MTA1: variants seen among roughly 807,000 people sequenced by gnomAD.
MTA1 encodes metastasis associated 1, also known as metastasis-associated protein MTA1.
A neutral mutation model predicts 97.0 loss-of-function variants in MTA1; 15 were observed. That is an observed-to-expected ratio of 0.15 (90% CI 0.10 to 0.24). The LOEUF is 0.24. Among genes scored for constraint, MTA1 ranks in the 10% least tolerant of loss-of-function variants. MTA1 has a pLI of 1.00. For missense variants in MTA1, 709 were observed against 1,015.1 expected, an observed-to-expected ratio of 0.70 and a Z score of 4.10; for synonymous variants, 435 against 417.5, an observed-to-expected ratio of 1.04 and a Z score of -0.51.
At chr14:105,448,331 C>T (rs369016221) in intron 3 of MTA1, among the ~76,000 whole-genome samples, 4 of 152,134 alleles carry the variant, frequency 2.6e-5, no homozygotes, top group South Asian at 4.1e-4. Flanking sequence ...AGGCCCACCT[C>T]GCCCGCATCT....
At position 105,463,777 on chromosome 14, in the gene MTA1, C is replaced by T; in HGVS notation, c.1076+226C>T. ...GGTCAGTAAGGGGGCATTGGGATTC[C>T]AGCCCACACCGCCAGGGTTCAGTCC... On this transcript the variant is annotated intron_variant, in intron 12 of 20. Coordinates refer to ENST00000331320, the MANE Select transcript of MTA1 (RefSeq NM_004689.4). This position sits in a 1 kb window ranked among gnomAD's most constrained non-coding sequence, Gnocchi z 5.9. The T allele has an allele frequency of 1.6e-6, 1 of 620,552 alleles. No homozygotes were observed. Among genetic ancestry groups the T allele is most frequent in the South Asian group, 1.9e-5 (1 of 51,592 alleles). The allele number at this position is 620,552 out of a possible 1,614,324, so 38.4% of individuals were successfully genotyped here.
At position 105,470,136 on chromosome 14, in the gene MTA1, T is replaced by C. The variant is rs1287360947; in HGVS notation, c.2069T>C (p.Leu690Pro). 9 of 1,612,068 alleles carry C rather than the reference T, an allele frequency of 5.6e-6. No homozygotes were observed. Among genetic ancestry groups the C allele is most frequent in the Non-Finnish European group, 7.6e-6 (9 of 1,179,710 alleles). ...AARRPYKPIA[L>P]RQSQALPPRP... ...CGCCGGCCCTACAAGCCCATCGCCC[T>C]GCGCCAGAGCCAGGCCCTGCCGCCG... Residue 690 changes from leucine to proline, a missense_variant, in exon 21 of 21, where the codon CTG becomes CCG. Coordinates refer to ENST00000331320, the MANE Select transcript of MTA1 (RefSeq NM_004689.4).
Position 105,463,067 on chromosome 14 carries a change from T to A in MTA1, c.943-117T>A. ...CTGGCCTCCGTGCACCAAGCACACC[T>A]CGCCCTCTGGCCTCCCGCCCCCTCT... On this transcript the variant is annotated intron_variant, in intron 10 of 20. Coordinates refer to ENST00000331320, the MANE Select transcript of MTA1 (RefSeq NM_004689.4). This position sits in a 1 kb window ranked among gnomAD's most constrained non-coding sequence, Gnocchi z 5.9. The A allele has an allele frequency of 2.0e-6, 2 of 1,003,214 alleles. No individual in the cohort carries two copies. Among genetic ancestry groups the A allele is most frequent in the Non-Finnish European group, 3.0e-6 (2 of 656,670 alleles). 62.1% of individuals were successfully genotyped at this position (1,003,214 alleles called of 1,614,324 possible).
chr14:105,445,507 C>T lies in MTA1; in HGVS notation c.186C>T (p.His62=), dbSNP rs60835099. The T allele has an allele frequency of 2.4e-5, 38 of 1,613,216 alleles. No homozygotes were observed. Among genetic ancestry groups the T allele is most frequent in the Middle Eastern group, 1.7e-4 (1 of 6,060 alleles). Reference sequence around the variant, plus strand: ...CCCTCATCGCCCTGGCCGACAAGCACGCAAGTGAGTCCGGCCTTCCCTGGG... The same window carrying T: ...CCCTCATCGCCCTGGCCGACAAGCATGCAAGTGAGTCCGGCCTTCCCTGGG... ...SSTLIALADK[H]ATLSVCYKAG... is the part of the protein sequence containing the mutation. Residue 62 remains histidine, a synonymous_variant, in exon 3 of 21, where the codon CAC becomes CAT. Transcript: ENST00000331320.
intron 1 of MTA1, among the ~76,000 whole-genome samples, chr14:105,434,611 G>T (rs1201451105): frequency 6.6e-6 from 1 of 150,694 alleles, no homozygotes; most frequent in African/African-American, 2.4e-5. Context: ...CGATTGTCCT[G>T]CCTCAGCCTC....
intron 6 of MTA1, among the ~76,000 whole-genome samples, chr14:105,452,235 A>G (rs2082972889): frequency 6.6e-6 from 1 of 152,242 alleles, no homozygotes; most frequent in South Asian, 2.1e-4. Context: ...CCTCGCCTCA[A>G]ATAACCCTCA....
At chr14:105,451,669 C>T (rs977152710) in intron 6 of MTA1, among the ~76,000 whole-genome samples, 3 of 152,126 alleles carry the variant, frequency 2.0e-5, no homozygotes, top group Admixed American at 6.5e-5. Flanking sequence ...GCACTGTGTC[C>T]GCCCAGAAAC....
rs2141537149 is a variant in MTA1, at chr14:105,445,326, G to T, written c.97-92G>T. 3 of 1,183,514 alleles carry T rather than the reference G, an allele frequency of 2.5e-6. No individual in the cohort carries two copies. In the East Asian group the frequency reaches 7.1e-5, roughly 28 times the overall value. 73.3% of individuals were successfully genotyped at this position (1,183,514 alleles called of 1,614,324 possible). On this transcript the variant is annotated intron_variant, in intron 2 of 20. Transcript: ENST00000331320. ...TGGTGTGGTTACACCTGCAGTCCCT[G>T]GACGGCAGGGTCCGGCCTTGGAGCC...
intron 1 of MTA1, among the ~76,000 whole-genome samples, chr14:105,437,030 C>T (rs1304444762): frequency 6.6e-6 from 1 of 152,254 alleles, no homozygotes; most frequent in African/African-American, 2.4e-5. Flanking sequence ...GTCCCCCGGG[C>T]ACCGTGGCTG....
rs2083788772 is a variant in MTA1 at position 105,470,310 on chromosome 14, C to T, written c.*95C>T. ...CGCCCGCCCCTCAGTTTGGTAGTGC[C>T]CCACCTCCCGCCCTCACCTGCAGAG... On this transcript the variant is annotated 3_prime_UTR_variant, in exon 21 of 21. Coordinates refer to ENST00000331320, the MANE Select transcript of MTA1 (RefSeq NM_004689.4). The T allele has an allele frequency of 2.7e-6, 3 of 1,107,530 alleles. No individual in the cohort carries two copies. Among genetic ancestry groups the T allele is most frequent in the Admixed American group, 7.8e-5 (2 of 25,802 alleles). 68.6% of individuals were successfully genotyped at this position (1,107,530 alleles called of 1,614,324 possible). A position where few individuals can be genotyped will look rare whatever the true frequency, so the allele number is the denominator to read the frequency against.
intron 1 of MTA1, among the ~76,000 whole-genome samples, chr14:105,423,185 A>G (rs2081900414): frequency 6.8e-6 from 1 of 147,950 alleles, no homozygotes; most frequent in Non-Finnish European, 1.5e-5. Flanking sequence ...CAAGAGGTTA[A>G]CACCCCATCT....
In MTA1 at chr14:105,463,435, A is replaced by T. The variant is rs1555431526; in HGVS notation, c.1018-58A>T. ...TCTCCGTAGCCTCCAGCCTGTCTGCACTGCAGCCCCAACCTGGGCCTAGCC... is the reference window on the plus strand; with the variant it reads ...TCTCCGTAGCCTCCAGCCTGTCTGCTCTGCAGCCCCAACCTGGGCCTAGCC... On this transcript the variant is annotated intron_variant, in intron 11 of 20. Transcript: ENST00000331320. The surrounding 1 kb of genome is among the most constrained non-coding windows in gnomAD (Gnocchi z 5.9). 7 of 1,590,206 alleles carry T rather than the reference A, an allele frequency of 4.4e-6. No homozygotes were observed. The highest frequency in any genetic ancestry group is 1.3e-5 in the African/African-American group (1 of 74,448).
intron 2 of MTA1, among the ~76,000 whole-genome samples, chr14:105,440,244 G>A (rs78405323): frequency 0.043 from 6,621 of 152,362 alleles, 494 homozygotes; most frequent in African/African-American, 0.15. Context: ...TCCTGAGTGC[G>A]GGGCAGCACT....
At chr14:105,447,215 A>G in intron 3 of MTA1, among the ~76,000 whole-genome samples, 1 of 150,914 alleles carries the variant, frequency 6.6e-6, no homozygotes, top group East Asian at 2.0e-4. Flanking sequence ...AGTGGTGGGG[A>G]GCGGGCTGGC....
chr14:105,466,427 G>GGGGCCCCCCCCCCC lies in MTA1; in HGVS notation c.1626_1627insGGGCCCCCCCCCCC (p.Thr543GlyfsTer16). 1.3e-6 allele frequency: 2 copies of GGGGCCCCCCCCCCC among 1,592,108 alleles called. No individual in the cohort carries two copies. The highest frequency in any genetic ancestry group is 1.7e-6 in the Non-Finnish European group (2 of 1,165,322). Reference sequence around the variant, plus strand: ...TTCTGCCTGTGTCATTCCCGGCAGAGACCCACCCCCGCCCCCCCAAGCCTG... The same window carrying GGGGCCCCCCCCCCC: ...TTCTGCCTGTGTCATTCCCGGCAGAGGGGCCCCCCCCCCCACCCACCCCCGCCCCCCCAAGCCTG... On this transcript the variant is annotated frameshift_variant and splice_region_variant, in exon 17 of 21. Coordinates refer to ENST00000331320, the MANE Select transcript of MTA1 (RefSeq NM_004689.4). LOFTEE classifies it high-confidence loss of function.
Position 105,424,402 on chromosome 14 carries a change from T to C in MTA1, c.28+4339T>C, listed in dbSNP as rs2081946945. On this transcript the variant is annotated intron_variant, in intron 1 of 20. Coordinates refer to ENST00000331320, the MANE Select transcript of MTA1 (RefSeq NM_004689.4). This position sits in a 1 kb window ranked among gnomAD's most constrained non-coding sequence, Gnocchi z 4.0. ...TTTTTTTGTAGAGACGGGGTTTCAC[T>C]GTGTTAGCCAGTATGGTCTCGATCT... 6.6e-6 allele frequency among the ~76,000 whole-genome samples: 1 copy of C among 151,474 alleles called. No homozygotes were observed. Among genetic ancestry groups the C allele is most frequent in the African/African-American group, 2.4e-5 (1 of 41,168 alleles).
At chr14:105,467,677 TG>T in intron 18 of MTA1, 1 of 360,520 alleles carries the variant, frequency 2.8e-6, no homozygotes, top group Non-Finnish European at 5.5e-6. Context: ...CCTCCTTTCC[TG>T]GGGCACCCTC....
At chr14:105,427,672 A>G (rs143256404) in intron 1 of MTA1, among the ~76,000 whole-genome samples, 23 of 152,246 alleles carry the variant, frequency 1.5e-4, no homozygotes, top group Non-Finnish European at 2.6e-4. Flanking sequence ...ATGGAACGTA[A>G]TTACTGCAAA....
chr14:105,444,248 G>A (rs1201531135), intron 2 of MTA1, among the ~76,000 whole-genome samples: 2 of 152,002 alleles, frequency 1.3e-5, no homozygotes, highest in African/African-American at 4.8e-5. Flanking sequence ...GGTGGTGGGC[G>A]CCTGTAGTCC....
Sources: gnomAD v4.1 joint callset for allele counts (sites outside exome capture counted in the v4.1 genomes callset) on GRCh38, gnomAD v4.1.1 for gene constraint, Gnocchi (gnomAD v3.1) non-coding constraint, MANE v1.5 for transcripts, NCBI Gene and HGNC (gene_info 2026-07-23, HGNC 2026-07-21) for gene names.